The following ANO3 variants were observed in gnomAD, a reference collection of about 807,000 sequenced individuals.
ANO3 encodes the protein anoctamin-3.
Under a neutral mutation model 144.8 loss-of-function variants are expected in ANO3, and 99 were observed. That is an observed-to-expected ratio of 0.68 (90% confidence interval 0.58 to 0.81). ANO3 has a LOEUF of 0.81. Among genes scored for constraint, ANO3 ranks in the 30% least tolerant of loss-of-function variants. The pLI, the probability that ANO3 is intolerant of heterozygous loss-of-function variation, is 0.00. For synonymous variants in ANO3, 414 were observed against 392.6 expected, an observed-to-expected ratio of 1.05 and a Z score of -0.64; for missense variants, 905 against 1,202.2, an observed-to-expected ratio of 0.75 and a Z score of 3.66.
intron 24 of ANO3, 53 bp downstream of exon 24, chr11:26,647,909 AT>A: frequency 2.0e-6 from 3 of 1,530,296 alleles, no homozygotes; most frequent in Non-Finnish European, 2.7e-6. Flanking sequence ...TGTAATTAAA[AT>A]AGGATCTTAC....
At chr11:26,610,369 G>T (rs1852063568) in intron 17 of ANO3, among the ~76,000 whole-genome samples, 1 of 136,604 alleles carries the variant, frequency 7.3e-6, no homozygotes, top group Non-Finnish European at 1.6e-5. Context: ...TTTGAGAACT[G>T]CCTATTATTT....
In ANO3 at chr11:26,577,836, G is replaced by T. The variant is rs186001917; in HGVS notation, c.1447+18057G>T. 6.8e-4 allele frequency among the ~76,000 whole-genome samples: 103 copies of T among 152,240 alleles called. 1 individual carries two copies. Among genetic ancestry groups the T allele is most frequent in the African/African-American group, 2.4e-3 (100 of 41,536 alleles). ...TTGCACCCAATTGAGTATAATGATT[G>T]CCCATTAGGATACATAAAGACAAAA... On this transcript the variant is annotated intron_variant, in intron 14 of 26. Transcript: ENST00000256737.
At chr11:26,524,902 A>T (rs530254108) in intron 6 of ANO3, among the ~76,000 whole-genome samples, 109 of 152,222 alleles carry the variant, frequency 7.2e-4, no homozygotes, top group Middle Eastern at 3.4e-3. Flanking sequence ...TGTCCCAATG[A>T]CGACCTCATA....
intron 18 of ANO3, among the ~76,000 whole-genome samples, chr11:26,632,767 A>G (rs1334114087): frequency 6.6e-6 from 1 of 152,080 alleles, no homozygotes; most frequent in Non-Finnish European, 1.5e-5. Flanking sequence ...ATCAGGCAGG[A>G]CACATTTGTG....
At chr11:26,433,826 T>C (rs138638910) in intron 1 of ANO3, among the ~76,000 whole-genome samples, 3,293 of 152,286 alleles carry the variant, frequency 0.022, 58 homozygotes, top group African/African-American at 0.039. Flanking sequence ...GATTTTTGCA[T>C]CAATGTTCAT....
rs754613830 is a variant in ANO3, at chr11:26,660,564, C to T, written c.*120C>T. The T allele has an allele frequency of 2.4e-6, 2 of 831,840 alleles. No homozygotes were observed. Among genetic ancestry groups the T allele is most frequent in the East Asian group, 5.5e-5 (2 of 36,432 alleles). The allele number at this position is 831,840 out of a possible 1,614,324, so 51.5% of individuals were successfully genotyped here. A position where few individuals can be genotyped will look rare whatever the true frequency, so the allele number is the denominator to read the frequency against. ...GGCAAACCACATGTATAATATGCTA[C>T]TTGGAAATGTATCACAGCCATCTCT... On this transcript the variant is annotated 3_prime_UTR_variant, in exon 27 of 27. Coordinates refer to ENST00000256737, the MANE Select transcript of ANO3 (RefSeq NM_031418.4).
intron 1 of ANO3, among the ~76,000 whole-genome samples, chr11:26,407,070 G>GTATA (rs202060948): frequency 1.5e-3 from 148 of 101,372 alleles, no homozygotes; most frequent in Middle Eastern, 7.1e-3. Context: ...GTGTGTGTGT[G>GTATA]TGTGTGTATA....
intron 4 of ANO3, among the ~76,000 whole-genome samples, chr11:26,501,853 A>G (rs11029586): frequency 1.8e-3 from 276 of 152,300 alleles, no homozygotes; most frequent in African/African-American, 6.5e-3. Context: ...TCTTTTTACA[A>G]TAGGGTGCTG....
intron 18 of ANO3, among the ~76,000 whole-genome samples, chr11:26,625,783 G>T (rs887882431): frequency 1.6e-4 from 24 of 152,154 alleles, no homozygotes; most frequent in South Asian, 8.3e-4. Context: ...GTAGCCAACT[G>T]CATCTAGACT....
intron 1 of ANO3, among the ~76,000 whole-genome samples, chr11:26,192,499 A>G (rs1248485929): frequency 2.6e-5 from 4 of 152,226 alleles, no homozygotes; most frequent in African/African-American, 7.2e-5. Flanking sequence ...ACGTATGTCT[A>G]AAAGGAAGTG....
intron 1 of ANO3, among the ~76,000 whole-genome samples, chr11:26,271,810 T>G (rs1162061260): frequency 6.6e-6 from 1 of 152,010 alleles, no homozygotes; most frequent in African/African-American, 2.4e-5. Flanking sequence ...ATCTGAGAAT[T>G]TCTAGGCAAT....
At chr11:26,489,187 T>C (rs1056428161) in intron 4 of ANO3, among the ~76,000 whole-genome samples, 6 of 144,192 alleles carry the variant, frequency 4.2e-5, no homozygotes, top group African/African-American at 1.5e-4. Context: ...TGGTGCCCTG[T>C]GTCCCAGCCA....
intron 17 of ANO3, among the ~76,000 whole-genome samples, chr11:26,608,470 T>G (rs1010533415): frequency 1.3e-5 from 2 of 152,046 alleles, no homozygotes; most frequent in African/African-American, 4.8e-5. Flanking sequence ...TGTCCCTTGG[T>G]GGAGGGGGTG....
intron 1 of ANO3, among the ~76,000 whole-genome samples, chr11:26,295,911 C>T (rs138877040): frequency 3.3e-5 from 5 of 152,216 alleles, no homozygotes; most frequent in Middle Eastern, 3.4e-3. Context: ...AATTACAGAG[C>T]CACCTCTCTC....
At chr11:26,660,140 T>G (rs542568245) in intron 26 of ANO3, 122 bp from the exon 27 acceptor site, 1 of 779,892 alleles carries the variant, frequency 1.3e-6, no homozygotes, top group African/African-American at 1.8e-5. Context: ...ATATTCTAAA[T>G]GGTACATACT....
chr11:26,478,436 C>T (rs1860070034), intron 4 of ANO3, among the ~76,000 whole-genome samples: 1 of 152,032 alleles, frequency 6.6e-6, no homozygotes, highest in South Asian at 2.1e-4. Context: ...CTGTTTTATG[C>T]AAGCATCACT....
intron 1 of ANO3, among the ~76,000 whole-genome samples, chr11:26,226,107 G>A (rs1852251878): frequency 6.6e-6 from 1 of 152,000 alleles, no homozygotes; most frequent in South Asian, 2.1e-4. Flanking sequence ...TTAAAAAAAT[G>A]ATACAAAAGT....
At chr11:26,320,051 G>C (rs185358715) in intron 1 of ANO3, among the ~76,000 whole-genome samples, 12 of 152,258 alleles carry the variant, frequency 7.9e-5, no homozygotes, top group Admixed American at 3.3e-4. Context: ...ACAAATCAGA[G>C]CTTCCAGTGA....
chr11:26,277,472 TAATGTATA>T (rs1447325937), intron 1 of ANO3, among the ~76,000 whole-genome samples: 7 of 152,230 alleles, frequency 4.6e-5, no homozygotes, highest in African/African-American at 1.7e-4. Context: ...GGCAATAAGT[TAATGTATA>T]AATCCTTAAC....
Sources: allele counts gnomAD v4.1 joint callset (sites outside exome capture counted in the v4.1 genomes callset), GRCh38; gene constraint gnomAD v4.1.1; transcripts MANE v1.5; gene names NCBI Gene and HGNC (gene_info 2026-07-23, HGNC 2026-07-21).